IL19: variants seen among roughly 807,000 people sequenced by gnomAD.
The protein encoded by IL19 is interleukin-19.
Under a neutral mutation model 19.5 loss-of-function variants are expected in IL19, and 15 were observed. That is an observed-to-expected ratio of 0.77 (90% CI 0.52 to 1.19). IL19 has a LOEUF of 1.19. IL19 is among the 50% of genes most tolerant of loss of function. The pLI, the probability that IL19 is intolerant of heterozygous loss-of-function variation, is 0.00. For missense variants in IL19, 199 were observed against 213.1 expected, an observed-to-expected ratio of 0.93 and a Z score of 0.41; for synonymous variants, 78 against 78.3, an observed-to-expected ratio of 1.00 and a Z score of 0.02.
chr1:206,784,835 T>C (rs1317112442), intron 1 of IL19, among the ~76,000 whole-genome samples: 1 of 152,236 alleles, frequency 6.6e-6, no homozygotes, highest in Non-Finnish European at 1.5e-5. Context: ...CAGTAAAATG[T>C]CTGTGTTGCG....
At chr1:206,812,513 G>A (rs1459270096) in intron 2 of IL19, among the ~76,000 whole-genome samples, 1 of 152,178 alleles carries the variant, frequency 6.6e-6, no homozygotes, top group African/African-American at 2.4e-5. Context: ...GCCACTCCAT[G>A]GGCCCAAAGA....
intron 2 of IL19, among the ~76,000 whole-genome samples, chr1:206,836,431 T>C (rs557448872): frequency 1.5e-5 from 2 of 129,196 alleles, no homozygotes. Flanking sequence ...TTTTCTGGGG[T>C]GGAGGTGGGG....
At chr1:206,839,208 C>T (rs1241472473) in intron 4 of IL19, among the ~76,000 whole-genome samples, 1 of 152,212 alleles carries the variant, frequency 6.6e-6, no homozygotes, top group African/African-American at 2.4e-5. Context: ...CAGACCTACC[C>T]AAATATGCCC....
chr1:206,803,458 G>A (rs1675767600), intron 2 of IL19, among the ~76,000 whole-genome samples: 1 of 152,150 alleles, frequency 6.6e-6, no homozygotes, highest in African/African-American at 2.4e-5. Context: ...GTCAAAGCTT[G>A]TATCTTTACT....
intron 2 of IL19, chr1:206,834,058 C>A (rs968267784): frequency 1.0e-6 from 1 of 985,326 alleles, no homozygotes; most frequent in South Asian, 4.7e-5. Context: ...AGGAAAGTGA[C>A]CTAAGTTGGA....
intron 1 of IL19, chr1:206,772,336 G>A: frequency 2.5e-6 from 4 of 1,614,232 alleles, no homozygotes; most frequent in Non-Finnish European, 3.4e-6. Context: ...AGGTTGCCTG[G>A]GAAGTGGGTG....
chr1:206,815,809 CA>C (rs1676140123), intron 2 of IL19, among the ~76,000 whole-genome samples: 1 of 152,100 alleles, frequency 6.6e-6, no homozygotes, highest in African/African-American at 2.4e-5. Flanking sequence ...GATGGCAAAG[CA>C]GTATCTTTAA....
rs1677059299 is a variant in IL19, at chr1:206,842,701, G to A, written c.*79G>A. The A allele has an allele frequency of 3.6e-6, 3 of 829,790 alleles. No individual in the cohort carries two copies. Among genetic ancestry groups the A allele is most frequent in the African/African-American group, 1.7e-5 (1 of 58,494 alleles). The allele number at this position is 829,790 out of a possible 1,614,324, so 51.4% of individuals were successfully genotyped here. A position where few individuals can be genotyped will look rare whatever the true frequency, so the allele number is the denominator to read the frequency against. ...TGTGGGAGACAGCCCACCTTGAAGG[G>A]GAAGGAGATGGGGAAGGCCCCTTGC... On this transcript the variant is annotated 3_prime_UTR_variant, in exon 7 of 7. Transcript: ENST00000659997.
chr1:206,802,781 T>C (rs1354269896), intron 2 of IL19, among the ~76,000 whole-genome samples: 1 of 152,152 alleles, frequency 6.6e-6, no homozygotes, highest in Admixed American at 6.5e-5. Flanking sequence ...TCTTGCTCTG[T>C]CCTCTATGCC....
chr1:206,785,804 TA>T (rs138446700), intron 1 of IL19, among the ~76,000 whole-genome samples: 119 of 152,352 alleles, frequency 7.8e-4, no homozygotes, highest in African/African-American at 2.8e-3. Flanking sequence ...GTCCTATTTA[TA>T]GTGTAACCCC....
At chr1:206,822,396 A>G (rs1444624155) in intron 2 of IL19, among the ~76,000 whole-genome samples, 1 of 152,126 alleles carries the variant, frequency 6.6e-6, no homozygotes, top group East Asian at 1.9e-4. Context: ...GAGATGTTCT[A>G]CTTGTGCTCC....
At chr1:206,822,161 C>T (rs569555079) in intron 2 of IL19, among the ~76,000 whole-genome samples, 4 of 152,080 alleles carry the variant, frequency 2.6e-5, no homozygotes, top group African/African-American at 4.8e-5. Flanking sequence ...AAGATGCCCT[C>T]GAGAGAATGA....
At chr1:206,826,691 C>A (rs1007057995) in intron 2 of IL19, among the ~76,000 whole-genome samples, 3 of 152,176 alleles carry the variant, frequency 2.0e-5, no homozygotes, top group African/African-American at 7.2e-5. Flanking sequence ...TTTATTTTAA[C>A]AATAAGAGGA....
intron 2 of IL19, among the ~76,000 whole-genome samples, chr1:206,830,724 A>C (rs7518426): frequency 1.3e-5 from 2 of 151,992 alleles, no homozygotes; most frequent in South Asian, 4.2e-4. Flanking sequence ...AATTACAGGT[A>C]CTGCCACCAC....
At chr1:206,789,551 G>A (rs1361023387) in intron 1 of IL19, among the ~76,000 whole-genome samples, 2 of 152,094 alleles carry the variant, frequency 1.3e-5, no homozygotes, top group Non-Finnish European at 2.9e-5. Flanking sequence ...ACTCCATGGT[G>A]TATATATGCC....
intron 1 of IL19, among the ~76,000 whole-genome samples, chr1:206,786,873 C>G (rs1434001184): frequency 6.6e-6 from 1 of 152,106 alleles, no homozygotes; most frequent in Admixed American, 6.5e-5. Flanking sequence ...AAATTCTGCT[C>G]TCCAGCCCCC....
intron 2 of IL19, among the ~76,000 whole-genome samples, chr1:206,813,402 G>C (rs979473764): frequency 6.6e-6 from 1 of 152,074 alleles, no homozygotes; most frequent in Non-Finnish European, 1.5e-5. Flanking sequence ...GCTAAATCTA[G>C]TTTTCAGTTT....
At chr1:206,777,443 A>ACT (rs1349876385) in intron 1 of IL19, among the ~76,000 whole-genome samples, 3 of 150,774 alleles carry the variant, frequency 2.0e-5, no homozygotes, top group Non-Finnish European at 2.9e-5. Flanking sequence ...CCTCCCAGCT[A>ACT]CTCTCATGCT....
chr1:206,811,315 G>A (rs1676002687), intron 2 of IL19, among the ~76,000 whole-genome samples: 1 of 151,884 alleles, frequency 6.6e-6, no homozygotes. Context: ...GTGGTGGCAG[G>A]AAACTGTAGT....
Sources: gnomAD v4.1 joint callset for allele counts (sites outside exome capture counted in the v4.1 genomes callset) on GRCh38, gnomAD v4.1.1 for gene constraint, MANE v1.5 for transcripts, NCBI Gene and HGNC (gene_info 2026-07-23, HGNC 2026-07-21) for gene names.